ESRP1: variants seen among roughly 807,000 people sequenced by gnomAD.
The protein encoded by ESRP1 is RNA-binding motif protein 35A.
In ESRP1, 33 loss-of-function variants were observed where a neutral mutation model predicts 81.7. The observed-to-expected ratio is 0.40, with a 90% CI of 0.31 to 0.54. The LOEUF (loss-of-function observed/expected upper bound fraction) is 0.54. Among genes scored for constraint, ESRP1 ranks in the 20% least tolerant of loss-of-function variants. The probability of loss-of-function intolerance (pLI) is 0.41; values close to 1 mark genes in which losing one functional copy is unlikely to be tolerated. For missense variants in ESRP1, 672 were observed against 833.1 expected, an observed-to-expected ratio of 0.81 and a Z score of 2.38; for synonymous variants, 320 against 303.3, an observed-to-expected ratio of 1.06 and a Z score of -0.57.
intron 3 of ESRP1, among the ~76,000 whole-genome samples, chr8:94,645,773 C>T (rs1354142601): frequency 2.0e-5 from 3 of 152,182 alleles, no homozygotes; most frequent in Admixed American, 6.5e-5. Flanking sequence ...AATCCCACAC[C>T]TGTGTGAAAA....
At chr8:94,675,542 T>C (rs563981281) in intron 12 of ESRP1, among the ~76,000 whole-genome samples, 14 of 152,288 alleles carry the variant, frequency 9.2e-5, no homozygotes, top group Non-Finnish European at 1.6e-4. Flanking sequence ...TATCTTAGAG[T>C]TGATCATTAA....
At chr8:94,651,987 CTT>C (rs35903773) in intron 4 of ESRP1, among the ~76,000 whole-genome samples, 4 of 65,208 alleles carry the variant, frequency 6.1e-5, no homozygotes, top group Non-Finnish European at 1.0e-4. Context: ...TCTAAAACGC[CTT>C]TTTTTTTTTT....
chr8:94,648,345 T>G (rs936489103), intron 4 of ESRP1, among the ~76,000 whole-genome samples: 1 of 152,268 alleles, frequency 6.6e-6, no homozygotes, highest in Non-Finnish European at 1.5e-5. Context: ...GAAATGCTAA[T>G]AAGCTTTCTT....
chr8:94,693,477 A>G (rs1809482810), intron 14 of ESRP1, among the ~76,000 whole-genome samples: 1 of 152,252 alleles, frequency 6.6e-6, no homozygotes. Context: ...GTTCTTTAAC[A>G]GTGAACATTG....
chr8:94,654,809 T>C (rs1214823371), intron 4 of ESRP1, among the ~76,000 whole-genome samples: 3 of 151,590 alleles, frequency 2.0e-5, no homozygotes, highest in African/African-American at 7.3e-5. Context: ...CACACTCCTG[T>C]GGTCCATGCT....
chr8:94,693,265 GA>G (rs533709667), intron 14 of ESRP1, among the ~76,000 whole-genome samples: 26 of 150,140 alleles, frequency 1.7e-4, no homozygotes, highest in East Asian at 7.8e-4. Context: ...GGATAACCTG[GA>G]AAAAAAAAAT....
chr8:94,684,936 A>G (rs1809076635), intron 13 of ESRP1, among the ~76,000 whole-genome samples: 3 of 151,742 alleles, frequency 2.0e-5, no homozygotes, highest in Admixed American at 6.6e-5. Context: ...GGCTGAGGCT[A>G]GAGGATTGCT....
In ESRP1 at chr8:94,671,630, G is replaced by A; in HGVS notation, c.1411G>A (p.Asp471Asn). Residue 471 changes from aspartate to asparagine, a missense_variant, in exon 11 of 16, where the codon GAT becomes AAT. Asp to Asn is a conservative substitution (Grantham distance 23). Coordinates refer to ENST00000433389, the MANE Select transcript of ESRP1 (RefSeq NM_017697.4). ...GGATTTCCTGGGGGAGTTCGCCACA[G>A]ATATTCGTACTCATGGGGTTCACAT... Reference protein sequence around the residue: ...ILDFLGEFATDIRTHGVHMVL... With the variant: ...ILDFLGEFATNIRTHGVHMVL... The A allele has an allele frequency of 6.2e-7, 1 of 1,613,890 alleles. No individual in the cohort carries two copies. Among genetic ancestry groups the A allele is most frequent in the South Asian group, 1.1e-5 (1 of 91,078 alleles).
At chr8:94,668,808 T>TGTGTGTGTGTGTGTGTGTGTGTGTGTGTG (rs56799877) in intron 10 of ESRP1, among the ~76,000 whole-genome samples, 59 of 151,388 alleles carry the variant, frequency 3.9e-4, no homozygotes, top group African/African-American at 8.5e-4. Flanking sequence ...TGTGTGTGTG[T>TGTGTGTGTGTGTGTGTGTGTGTGTGTGTG]TTGAGATGGG....
intron 13 of ESRP1, chr8:94,688,235 A>C (rs1809223419): frequency 7.9e-6 from 1 of 126,478 alleles, no homozygotes; most frequent in Non-Finnish European, 1.7e-5. Context: ...AAAATGGTGC[A>C]CATTGAATGT....
At chr8:94,682,904 TTATATATATA>T (rs1170938965) in intron 13 of ESRP1, among the ~76,000 whole-genome samples, 53 of 29,846 alleles carry the variant, frequency 1.8e-3, no homozygotes, top group African/African-American at 9.1e-3. Flanking sequence ...ATTCATTATT[TTATATATATA>T]TATATATATA....
At chr8:94,666,402 A>G (rs950628506) in intron 9 of ESRP1, among the ~76,000 whole-genome samples, 7 of 152,222 alleles carry the variant, frequency 4.6e-5, no homozygotes, top group Non-Finnish European at 8.8e-5. Flanking sequence ...ACTCATTTCC[A>G]ACTTTTGACT....
At position 94,651,626 on chromosome 8, in the gene ESRP1, C is replaced by CT. The variant is rs960407239; in HGVS notation, c.490+5352dup. ...CAAAAGGGTTTAGGAATTTTTTTTTCTTTTTTTTGAGATGGAGTCTTACTC... is the reference window on the plus strand; with the variant it reads ...CAAAAGGGTTTAGGAATTTTTTTTTCTTTTTTTTTGAGATGGAGTCTTACTC... On this transcript the variant is annotated intron_variant, in intron 4 of 15. Coordinates refer to ENST00000433389, the MANE Select transcript of ESRP1 (RefSeq NM_017697.4). Among the ~76,000 whole-genome samples, 10 of 147,262 alleles carry CT rather than the reference C, an allele frequency of 6.8e-5. No individual in the cohort carries two copies. The South Asian group carries it at 8.6e-4, about 13-fold the overall frequency.
At chr8:94,670,758 A>G (rs532004405) in intron 10 of ESRP1, among the ~76,000 whole-genome samples, 1 of 152,346 alleles carries the variant, frequency 6.6e-6, no homozygotes, top group African/African-American at 2.4e-5. Flanking sequence ...AGATAGCTGA[A>G]TTCCATGAAT....
At chr8:94,678,505 C>A in intron 13 of ESRP1, 134 bp downstream of exon 13, 2 of 1,011,764 alleles carry the variant, frequency 2.0e-6, no homozygotes, top group Admixed American at 2.9e-5. Context: ...CTGGTCATAT[C>A]TCTGACCAAG....
intron 10 of ESRP1, among the ~76,000 whole-genome samples, chr8:94,669,718 A>G (rs1481956488): frequency 6.6e-6 from 1 of 151,872 alleles, no homozygotes; most frequent in African/African-American, 2.4e-5. Context: ...ATACAAAAAA[A>G]AATTAGGCAG....
chr8:94,652,590 AT>A (rs1465770230), intron 4 of ESRP1, among the ~76,000 whole-genome samples: 2 of 151,126 alleles, frequency 1.3e-5, no homozygotes, highest in Non-Finnish European at 3.0e-5. Context: ...TTTTAAACCC[AT>A]TTTTTTCCCC....
intron 1 of ESRP1, 161 bp from the exon 2 acceptor site, chr8:94,641,795 G>T: frequency 9.1e-7 from 1 of 1,093,758 alleles, no homozygotes; most frequent in Non-Finnish European, 1.2e-6. Flanking sequence ...GTGGGGCGGG[G>T]GGCAGGAACG....
rs558802076 is a variant in ESRP1, at chr8:94,650,907, A to G, written c.490+4625A>G. Among the ~76,000 whole-genome samples, 719 of 152,102 alleles carry G rather than the reference A, an allele frequency of 4.7e-3. 4 individuals are homozygous for G. Among genetic ancestry groups the G allele is most frequent in the Non-Finnish European group, 7.2e-3 (489 of 67,994 alleles). On this transcript the variant is annotated intron_variant, in intron 4 of 15. Transcript: ENST00000433389. ...TTTTTAGTAGAGACGGAGTTTCACC[A>G]TGTTAGCCAGGATGGTCTCGATCTC...
Sources: allele counts gnomAD v4.1 joint callset (sites outside exome capture counted in the v4.1 genomes callset), GRCh38; gene constraint gnomAD v4.1.1; transcripts MANE v1.5; gene names NCBI Gene and HGNC (gene_info 2026-07-23, HGNC 2026-07-21).